FCHSD2: variants seen among roughly 807,000 people sequenced by gnomAD.
The protein encoded by FCHSD2 is FCH and double SH3 domains 2.
Under a neutral mutation model 108.1 loss-of-function variants are expected in FCHSD2, and 38 were observed. The ratio of observed to expected loss-of-function variants is 0.35; its 90% CI spans 0.27 to 0.46. The LOEUF (loss-of-function observed/expected upper bound fraction) is 0.46. FCHSD2 is among the 20% of genes least tolerant of loss of function. The probability of loss-of-function intolerance (pLI) is 1.00; values close to 1 mark genes in which losing one functional copy is unlikely to be tolerated. For synonymous variants in FCHSD2, 279 were observed against 314.7 expected (o/e 0.89, Z 1.20); for missense variants, 751 against 897.8 (o/e 0.84, Z 2.09).
intron 8 of FCHSD2, among the ~76,000 whole-genome samples, chr11:72,935,699 T>A (rs1297757342): frequency 1.3e-5 from 2 of 152,234 alleles, no homozygotes; most frequent in Non-Finnish European, 2.9e-5. Flanking sequence ...GTAGTTGAAT[T>A]TATCAGTTGA....
chr11:73,018,296 C>G (rs1858018388), intron 3 of FCHSD2, among the ~76,000 whole-genome samples: 1 of 152,140 alleles, frequency 6.6e-6, no homozygotes, highest in African/African-American at 2.4e-5. Flanking sequence ...TGATTGTTTT[C>G]AGGGAGAAAC....
intron 8 of FCHSD2, among the ~76,000 whole-genome samples, chr11:72,975,652 A>G (rs1857090816): frequency 1.3e-5 from 2 of 152,312 alleles, no homozygotes; most frequent in South Asian, 4.1e-4. Flanking sequence ...ATTATGTATC[A>G]ATTTTAGAAA....
intron 10 of FCHSD2, among the ~76,000 whole-genome samples, chr11:72,896,642 A>T (rs74540190): frequency 2.0e-5 from 3 of 152,032 alleles, no homozygotes; most frequent in African/African-American, 7.2e-5. Flanking sequence ...TTAGTGATCA[A>T]TCCAATAAGG....
chr11:72,949,937 T>C (rs1046176302), intron 8 of FCHSD2, among the ~76,000 whole-genome samples: 6 of 152,230 alleles, frequency 3.9e-5, no homozygotes, highest in Admixed American at 2.0e-4. Flanking sequence ...GTTGGATAGT[T>C]TGAGAAACCA....
intron 13 of FCHSD2, among the ~76,000 whole-genome samples, chr11:72,854,673 A>C (rs1411785551): frequency 6.6e-6 from 1 of 152,226 alleles, no homozygotes. Flanking sequence ...CATTATGCTA[A>C]GTGGAATAAC....
chr11:72,880,711 T>C (rs1591365863), intron 12 of FCHSD2, among the ~76,000 whole-genome samples: 1 of 144,580 alleles, frequency 6.9e-6, no homozygotes, highest in African/African-American at 2.6e-5. Flanking sequence ...AGCCCAGGAG[T>C]TCGAGACCAG....
chr11:72,870,250 A>C (rs1176648954), intron 12 of FCHSD2, among the ~76,000 whole-genome samples: 2 of 152,288 alleles, frequency 1.3e-5, no homozygotes, highest in East Asian at 3.9e-4. Context: ...CACTCTATAT[A>C]GATCTAATTA....
chr11:73,061,232 C>T (rs1859155728), intron 3 of FCHSD2, among the ~76,000 whole-genome samples: 1 of 152,196 alleles, frequency 6.6e-6, no homozygotes, highest in Non-Finnish European at 1.5e-5. Context: ...TCCCCCTACC[C>T]AGGGGAAGCC....
At chr11:72,860,692 A>AAATGCT (rs773033595) in intron 13 of FCHSD2, among the ~76,000 whole-genome samples, 12 of 152,060 alleles carry the variant, frequency 7.9e-5, no homozygotes, top group Non-Finnish European at 1.5e-4. Flanking sequence ...TAAATATACA[A>AAATGCT]AATTTAGCTG....
chr11:72,907,044 T>C (rs1046022146), intron 9 of FCHSD2, among the ~76,000 whole-genome samples: 1 of 151,966 alleles, frequency 6.6e-6, no homozygotes, highest in African/African-American at 2.4e-5. Context: ...TCCTCTTTTA[T>C]TTCGTTGAGC....
chr11:73,053,776 G>A (rs1451616749), intron 3 of FCHSD2, among the ~76,000 whole-genome samples: 1 of 152,138 alleles, frequency 6.6e-6, no homozygotes, highest in Non-Finnish European at 1.5e-5. Flanking sequence ...AAAAAGTTAT[G>A]ACTATAGCAG....
At chr11:72,959,750 G>A (rs1011209457) in intron 8 of FCHSD2, among the ~76,000 whole-genome samples, 4 of 152,238 alleles carry the variant, frequency 2.6e-5, no homozygotes, top group South Asian at 4.1e-4. Flanking sequence ...AATATTAAAT[G>A]TCAGGCACTG....
intron 13 of FCHSD2, among the ~76,000 whole-genome samples, chr11:72,862,465 G>A (rs749873728): frequency 6.6e-5 from 10 of 152,132 alleles, no homozygotes; most frequent in Admixed American, 1.3e-4. Flanking sequence ...ATTGGAAACT[G>A]AAATTTAAAA....
chr11:72,889,990 T>C lies in FCHSD2; in HGVS notation c.925-45A>G, dbSNP rs891928991. ...AGAGATAAAAATATTGCTATCCTTA[T>C]TGTAACCACTACTGCTTTGTAGATG... On this transcript the variant is annotated intron_variant, in intron 10 of 19. Coordinates refer to ENST00000409418, the MANE Select transcript of FCHSD2 (RefSeq NM_014824.3). 6 of 1,185,548 alleles carry C rather than the reference T, an allele frequency of 5.1e-6. No homozygotes were observed. The Admixed American group carries it at 7.2e-5, about 14-fold the overall frequency. The allele number at this position is 1,185,548 out of a possible 1,614,324, so 73.4% of individuals were successfully genotyped here. A position where few individuals can be genotyped will look rare whatever the true frequency, so the allele number is the denominator to read the frequency against.
intron 9 of FCHSD2, among the ~76,000 whole-genome samples, chr11:72,903,533 AAGG>A (rs1232060734): frequency 6.6e-6 from 1 of 151,876 alleles, no homozygotes; most frequent in Non-Finnish European, 1.5e-5. Context: ...ATTTCTATAA[AAGG>A]AGAATTCTGA....
chr11:72,957,609 A>G (rs1198267776), intron 8 of FCHSD2, among the ~76,000 whole-genome samples: 1 of 151,322 alleles, frequency 6.6e-6, no homozygotes, highest in African/African-American at 2.4e-5. Flanking sequence ...ATATTTTTGG[A>G]ACATCTCGTA....
chr11:73,098,396 T>C (rs1860140856), intron 2 of FCHSD2, among the ~76,000 whole-genome samples: 2 of 152,034 alleles, frequency 1.3e-5, no homozygotes, highest in Non-Finnish European at 2.9e-5. Flanking sequence ...CATTCCTCTA[T>C]GGGTAAAGAA....
chr11:73,059,850 A>T (rs1859119389), intron 3 of FCHSD2, among the ~76,000 whole-genome samples: 1 of 152,166 alleles, frequency 6.6e-6, no homozygotes, highest in African/African-American at 2.4e-5. Context: ...CATACTCTCA[A>T]ACAATCCTTG....
At chr11:72,966,255 G>A (rs1856904819) in intron 8 of FCHSD2, among the ~76,000 whole-genome samples, 1 of 150,720 alleles carries the variant, frequency 6.6e-6, no homozygotes, top group Non-Finnish European at 1.5e-5. Context: ...TGCCTCCCGG[G>A]TTCATGCAAT....
Sources: gnomAD v4.1 joint callset for allele counts (sites outside exome capture counted in the v4.1 genomes callset) on GRCh38, gnomAD v4.1.1 for gene constraint, MANE v1.5 for transcripts, NCBI Gene and HGNC (gene_info 2026-07-23, HGNC 2026-07-21) for gene names.